The following KSR2 variants were observed in gnomAD, a reference collection of about 807,000 sequenced individuals.
The protein encoded by KSR2 is kinase suppressor of ras 2.
KSR2 carries 25 observed loss-of-function variants against 107.8 expected under a neutral mutation model. The ratio of observed to expected loss-of-function variants is 0.23; its 90% CI spans 0.17 to 0.32. The LOEUF (loss-of-function observed/expected upper bound fraction) is 0.32. Ranked by LOEUF, KSR2 falls within the 10% of genes least tolerant of loss-of-function variation. KSR2 has a pLI of 1.00. For synonymous variants in KSR2, 480 were observed against 507.0 expected (o/e 0.95, Z 0.71); for missense variants, 887 against 1,268.9 (o/e 0.70, Z 4.57).
At chr12:117,659,599 C>A (rs886548567) in intron 5 of KSR2, among the ~76,000 whole-genome samples, 1 of 152,132 alleles carries the variant, frequency 6.6e-6, no homozygotes, top group Non-Finnish European at 1.5e-5. Flanking sequence ...ATGGAGAGAG[C>A]CATTGGTTGG....
chr12:117,899,926 G>A (rs1220159839), intron 1 of KSR2, among the ~76,000 whole-genome samples: 1 of 152,198 alleles, frequency 6.6e-6, no homozygotes, highest in African/African-American at 2.4e-5. Flanking sequence ...ACAGTGGTAA[G>A]AAGCTGGGGC....
At chr12:117,946,415 C>T (rs1042836851) in intron 1 of KSR2, among the ~76,000 whole-genome samples, 1 of 151,940 alleles carries the variant, frequency 6.6e-6, no homozygotes, top group Non-Finnish European at 1.5e-5. Flanking sequence ...CCATAGACCC[C>T]GTGACGTTAA....
intron 14 of KSR2, among the ~76,000 whole-genome samples, chr12:117,486,622 A>G (rs557478193): frequency 6.6e-6 from 1 of 152,268 alleles, no homozygotes; most frequent in South Asian, 2.1e-4. Flanking sequence ...TACTCCTGGC[A>G]TTGTGTTCAT....
Position 117,761,444 on chromosome 12 carries a change from G to A in KSR2, c.553C>T (p.Pro185Ser), listed in dbSNP as rs765751335. ...TGKENNPVCP[P>S]EPTPWIRTHL... Reference sequence around the variant, plus strand: ...GTGCGGATCCACGGGGTGGGCTCCGGGGGGCACACGGGATTGTTCTCCTTC... The same window carrying A: ...GTGCGGATCCACGGGGTGGGCTCCGAGGGGCACACGGGATTGTTCTCCTTC... The change falls in exon 4 of 20, where the codon CCG becomes TCG. Residue 185 changes from proline to serine, a missense_variant. Physicochemically the swap from Pro to Ser is moderately conservative, Grantham distance 74. This residue lies in a region of KSR2 where 399 missense variants were observed against 479.5 expected (regional missense o/e 0.83). Coordinates refer to ENST00000339824, the MANE Select transcript of KSR2 (RefSeq NM_173598.6). The A allele has an allele frequency of 5.6e-6, 9 of 1,612,798 alleles. No individual in the cohort carries two copies. The highest frequency in any genetic ancestry group is 5.0e-5 in the Admixed American group (3 of 59,614).
intron 4 of KSR2, among the ~76,000 whole-genome samples, chr12:117,709,734 T>C (rs1261121664): frequency 6.6e-6 from 1 of 152,182 alleles, no homozygotes. Context: ...ACTGTTGACA[T>C]TTGGGGCCAG....
At chr12:117,475,246 G>GAAGATGA (rs1309073452) in intron 17 of KSR2, among the ~76,000 whole-genome samples, 1 of 152,102 alleles carries the variant, frequency 6.6e-6, no homozygotes, top group Admixed American at 6.6e-5. Context: ...TTAGTGCACT[G>GAAGATGA]AAGATGAAAT....
intron 3 of KSR2, among the ~76,000 whole-genome samples, chr12:117,764,633 C>T (rs1037640948): frequency 4.6e-5 from 7 of 152,156 alleles, no homozygotes; most frequent in Admixed American, 6.6e-5. Flanking sequence ...GAACACTCTA[C>T]CAAAGTCACC....
In KSR2 at chr12:117,521,132, T is replaced by C. The variant is rs537121118; in HGVS notation, c.2219+3720A>G. ...TTCTCTACCCTCACCTTCTCCCCTTTGCCCTCACCTGCCACCATCACAGTC... is the reference window on the plus strand; with the variant it reads ...TTCTCTACCCTCACCTTCTCCCCTTCGCCCTCACCTGCCACCATCACAGTC... On this transcript the variant is annotated intron_variant, in intron 14 of 19. Coordinates refer to ENST00000339824, the MANE Select transcript of KSR2 (RefSeq NM_173598.6). Among the ~76,000 whole-genome samples the C allele has an allele frequency of 2.4e-4, 37 of 152,312 alleles. No individual in the cohort carries two copies. The South Asian group carries it at 7.7e-3, about 32-fold the overall frequency.
chr12:117,893,973 G>A lies in KSR2; in HGVS notation c.181-33542C>T, dbSNP rs1051831460. On this transcript the variant is annotated intron_variant, in intron 1 of 19. Coordinates refer to ENST00000339824, the MANE Select transcript of KSR2 (RefSeq NM_173598.6). ...CGCCCAGGCTAGAATGCAGTGGCGCGATCTCGGCTCACTGCAAGCTCCGCC... is the reference window on the plus strand; with the variant it reads ...CGCCCAGGCTAGAATGCAGTGGCGCAATCTCGGCTCACTGCAAGCTCCGCC... Among the ~76,000 whole-genome samples, 3 of 148,352 alleles carry A rather than the reference G, an allele frequency of 2.0e-5. No individual in the cohort carries two copies. The East Asian group carries it at 6.0e-4, about 30-fold the overall frequency.
intron 5 of KSR2, among the ~76,000 whole-genome samples, chr12:117,614,854 A>G (rs940187433): frequency 6.6e-6 from 1 of 152,170 alleles, no homozygotes; most frequent in African/African-American, 2.4e-5. Context: ...TTATCTCTCT[A>G]TTAATATGTG....
At chr12:117,949,110 C>A (rs948777272) in intron 1 of KSR2, among the ~76,000 whole-genome samples, 7 of 151,366 alleles carry the variant, frequency 4.6e-5, no homozygotes, top group Non-Finnish European at 1.0e-4. Flanking sequence ...ATAAATAAAT[C>A]AAAATAAAAA....
intron 5 of KSR2, among the ~76,000 whole-genome samples, chr12:117,593,262 C>T (rs1313964054): frequency 6.6e-6 from 1 of 152,252 alleles, no homozygotes; most frequent in South Asian, 2.1e-4. Context: ...AGGCCCCACA[C>T]TGCCATCACC....
chr12:117,471,655 C>T (rs1068938), intron 17 of KSR2, among the ~76,000 whole-genome samples: 102,236 of 151,882 alleles, frequency 0.67, 35,089 homozygotes, highest in East Asian at 0.89. Flanking sequence ...CTCTAAAGCA[C>T]TATATATAAT....
intron 1 of KSR2, among the ~76,000 whole-genome samples, chr12:117,966,765 G>A (rs917678692): frequency 7.1e-4 from 107 of 150,912 alleles, no homozygotes; most frequent in African/African-American, 9.0e-4. Context: ...TAAAAATCAC[G>A]GAAAAAAAAG....
chr12:117,937,192 T>C (rs1895873294), intron 1 of KSR2, among the ~76,000 whole-genome samples: 1 of 152,232 alleles, frequency 6.6e-6, no homozygotes, highest in African/African-American at 2.4e-5. Flanking sequence ...TTATAGTTAA[T>C]CTGATCAAAC....
chr12:117,566,503 C>T (rs748430112), intron 7 of KSR2, among the ~76,000 whole-genome samples: 3 of 152,138 alleles, frequency 2.0e-5, no homozygotes, highest in African/African-American at 4.8e-5. Context: ...TTTCTGTTCC[C>T]GCATTAGTTT....
At chr12:117,479,872 G>GC (rs1872048375) in intron 16 of KSR2, among the ~76,000 whole-genome samples, 1 of 152,066 alleles carries the variant, frequency 6.6e-6, no homozygotes, top group African/African-American at 2.4e-5. Context: ...GGAACCTTGA[G>GC]CAGACCCAAA....
At chr12:117,548,202 T>C (rs542528090) in intron 9 of KSR2, among the ~76,000 whole-genome samples, 49 of 152,314 alleles carry the variant, frequency 3.2e-4, no homozygotes, top group African/African-American at 1.1e-3. Flanking sequence ...TTATTTTATA[T>C]ACAATGTCCA....
intron 1 of KSR2, among the ~76,000 whole-genome samples, chr12:117,887,112 T>C (rs1028758704): frequency 2.0e-5 from 3 of 152,000 alleles, no homozygotes; most frequent in Non-Finnish European, 2.9e-5. Flanking sequence ...TTAGTAGAGA[T>C]GGAGTCTTGC....
Sources: gnomAD v4.1 joint callset for allele counts (sites outside exome capture counted in the v4.1 genomes callset) on GRCh38, gnomAD v4.1.1 for gene constraint, gnomAD v4.1.1 regional missense constraint, MANE v1.5 for transcripts, NCBI Gene and HGNC (gene_info 2026-07-23, HGNC 2026-07-21) for gene names.